Variants in OSBPL10 observed in about 807,000 individuals in gnomAD.
OSBPL10 encodes oxysterol binding protein like 10.
In OSBPL10, 49 loss-of-function variants were observed where a neutral mutation model predicts 81.7. The ratio of observed to expected loss-of-function variants is 0.60; its 90% CI spans 0.48 to 0.76. OSBPL10 has a LOEUF of 0.76. OSBPL10 is among the 30% of genes least tolerant of loss of function. The probability of loss-of-function intolerance (pLI) is 0.00; values close to 1 mark genes in which losing one functional copy is unlikely to be tolerated. For synonymous variants in OSBPL10, 419 were observed against 383.6 expected, an observed-to-expected ratio of 1.09 and a Z score of -1.08; for missense variants, 923 against 987.8, an observed-to-expected ratio of 0.93 and a Z score of 0.88.
intron 4 of OSBPL10, among the ~76,000 whole-genome samples, chr3:31,772,325 A>G (rs1479132377): frequency 2.6e-5 from 4 of 152,354 alleles, no homozygotes; most frequent in Non-Finnish European, 4.4e-5. Flanking sequence ...TAGCAGGTAC[A>G]GTCAATCCTC....
At chr3:31,900,653 T>C (rs530700830) in intron 1 of OSBPL10, among the ~76,000 whole-genome samples, 1 of 152,352 alleles carries the variant, frequency 6.6e-6, no homozygotes, top group South Asian at 2.1e-4. Flanking sequence ...AGATATTTAT[T>C]TTGTACTTTT....
At chr3:31,928,774 A>C in intron 1 of OSBPL10, among the ~76,000 whole-genome samples, 1 of 151,956 alleles carries the variant, frequency 6.6e-6, no homozygotes, top group Non-Finnish European at 1.5e-5. Context: ...AAAAAAAAAA[A>C]AAAAAAAGAA....
intron 4 of OSBPL10, among the ~76,000 whole-genome samples, chr3:31,808,931 C>T (rs561009824): frequency 6.6e-6 from 1 of 152,274 alleles, no homozygotes; most frequent in East Asian, 1.9e-4. Context: ...CAATTAATAC[C>T]TCTTCTGGAC....
intron 1 of OSBPL10, among the ~76,000 whole-genome samples, chr3:31,895,153 A>G (rs1347724884): frequency 1.5e-5 from 1 of 64,532 alleles, no homozygotes; most frequent in African/African-American, 6.8e-5. Flanking sequence ...TTTTTTTTTT[A>G]GACGGAGTCT....
At chr3:31,866,282 C>T (rs1701178139) in intron 3 of OSBPL10, among the ~76,000 whole-genome samples, 1 of 152,144 alleles carries the variant, frequency 6.6e-6, no homozygotes, top group Non-Finnish European at 1.5e-5. Context: ...CCCTAGGCCT[C>T]CCCAAGTAAA....
At chr3:31,842,571 C>T (rs1700526252) in intron 3 of OSBPL10, among the ~76,000 whole-genome samples, 2 of 152,226 alleles carry the variant, frequency 1.3e-5, no homozygotes, top group South Asian at 4.1e-4. Context: ...ATGTCACTGT[C>T]ATAACAGACG....
chr3:31,735,735 T>C (rs1697134778), intron 5 of OSBPL10, among the ~76,000 whole-genome samples: 1 of 101,358 alleles, frequency 9.9e-6, no homozygotes, highest in Admixed American at 9.8e-5. Context: ...AAAATATCAC[T>C]TGCTCAGAGA....
At chr3:31,945,621 C>A (rs913201433) in intron 1 of OSBPL10, among the ~76,000 whole-genome samples, 2 of 152,192 alleles carry the variant, frequency 1.3e-5, no homozygotes, top group African/African-American at 4.8e-5. Context: ...CAACCATAGG[C>A]CATAGCTGAG....
intron 6 of OSBPL10, among the ~76,000 whole-genome samples, chr3:31,709,892 C>T (rs1345289581): frequency 6.6e-6 from 1 of 152,172 alleles, no homozygotes; most frequent in East Asian, 1.9e-4. Flanking sequence ...ACTTTAAAAC[C>T]AAATCCAGCG....
chr3:31,808,949 A>C (rs867113959), intron 4 of OSBPL10, among the ~76,000 whole-genome samples: 4 of 152,338 alleles, frequency 2.6e-5, no homozygotes, highest in Middle Eastern at 3.4e-3. Context: ...GACTTCGTAA[A>C]ACTCTTAATC....
intron 2 of OSBPL10, 126 bp from the exon 3 acceptor site, chr3:31,876,638 A>G (rs1259233901): frequency 1.4e-6 from 1 of 718,294 alleles, no homozygotes; most frequent in African/African-American, 1.8e-5. Context: ...AAGGTGGGGA[A>G]GCAAGCACAG....
At chr3:31,891,685 G>A (rs963626786) in intron 1 of OSBPL10, among the ~76,000 whole-genome samples, 1 of 152,126 alleles carries the variant, frequency 6.6e-6, no homozygotes, top group African/African-American at 2.4e-5. Context: ...CATTTTTGGG[G>A]GGTGCCAGTG....
intron 1 of OSBPL10, among the ~76,000 whole-genome samples, chr3:31,941,147 T>C (rs1697526056): frequency 6.6e-6 from 1 of 152,172 alleles, no homozygotes; most frequent in South Asian, 2.1e-4. Flanking sequence ...AGTTGCAATA[T>C]CAATATTTAA....
intron 7 of OSBPL10, among the ~76,000 whole-genome samples, chr3:31,696,497 A>G (rs1041523388): frequency 5.3e-5 from 8 of 152,362 alleles, no homozygotes; most frequent in Non-Finnish European, 1.2e-4. Flanking sequence ...GCCAAATACA[A>G]TGGTCCATTT....
upstream of OSBPL10, among the ~76,000 whole-genome samples, chr3:31,983,525 G>A (rs957163075): frequency 6.6e-6 from 1 of 152,218 alleles, no homozygotes; most frequent in African/African-American, 2.4e-5. Context: ...CCAGGATGGG[G>A]CAGGAGCAAG....
intron 4 of OSBPL10, among the ~76,000 whole-genome samples, chr3:31,825,690 T>C (rs1023811773): frequency 2.6e-5 from 4 of 152,226 alleles, no homozygotes; most frequent in Non-Finnish European, 5.9e-5. Flanking sequence ...GGCATTAAGA[T>C]GTTTTTATGA....
At chr3:31,809,101 T>C (rs1351049677) in intron 4 of OSBPL10, among the ~76,000 whole-genome samples, 1 of 152,198 alleles carries the variant, frequency 6.6e-6, no homozygotes, top group Non-Finnish European at 1.5e-5. Context: ...TTAGACATAC[T>C]AGCCAACAAA....
Position 32,054,526 on chromosome 3 carries a change from CTTT to C in OSBPL10, n.186-7926_186-7924del, listed in dbSNP as rs755489489. Among the ~76,000 whole-genome samples the C allele has an allele frequency of 1.0e-4, 9 of 86,624 alleles. No individual in the cohort carries two copies. The South Asian group carries it at 1.9e-3, about 18-fold the overall frequency. The allele number at this position is 86,624 out of a possible 152,430, so 56.8% of individuals were successfully genotyped here. A position where few individuals can be genotyped will look rare whatever the true frequency, so the allele number is the denominator to read the frequency against. ...ACCAACATTTCCTGGTCAATGGTGG[CTTT>C]TTTTTTTTTTTTTTTTTTTTGAGAC... On this transcript the variant is annotated intron_variant and non_coding_transcript_variant, in intron 1 of 3. Transcript: ENST00000479173.
chr3:31,856,941 T>A (rs1310272805), intron 3 of OSBPL10, among the ~76,000 whole-genome samples: 2 of 152,160 alleles, frequency 1.3e-5, no homozygotes, highest in Non-Finnish European at 2.9e-5. Context: ...CTGGGCATGG[T>A]GGCGGGCACC....
Sources: gnomAD v4.1 joint callset for allele counts (sites outside exome capture counted in the v4.1 genomes callset) on GRCh38, gnomAD v4.1.1 for gene constraint, MANE v1.5 for transcripts, NCBI Gene and HGNC (gene_info 2026-07-23, HGNC 2026-07-21) for gene names.